MYO5B: variants seen among roughly 807,000 people sequenced by gnomAD.
MYO5B encodes unconventional myosin-Vb.
Under a neutral mutation model 229.3 loss-of-function variants are expected in MYO5B, and 143 were observed. That is an observed-to-expected ratio of 0.62 (90% CI 0.54 to 0.72). The LOEUF (loss-of-function observed/expected upper bound fraction) is 0.72, where lower values mean the gene tolerates loss of function less well. Ranked by LOEUF, MYO5B falls within the 30% of genes least tolerant of loss-of-function variation. The pLI, the probability that MYO5B is intolerant of heterozygous loss-of-function variation, is 0.00. For missense variants in MYO5B, 2,321 were observed against 2,331.0 expected (o/e 1.00, Z 0.09); for synonymous variants, 918 against 885.2 (o/e 1.04, Z -0.66).
rs2033222976 is a variant in MYO5B, at chr18:50,191,282, A to C, written c.27+3485T>G. 7.2e-5 allele frequency among the ~76,000 whole-genome samples: 11 copies of C among 152,292 alleles called. No homozygotes were observed. In the South Asian group the frequency reaches 2.3e-3, roughly 32 times the overall value. On this transcript the variant is annotated intron_variant, in intron 1 of 39. Coordinates refer to ENST00000285039, the MANE Select transcript of MYO5B (RefSeq NM_001080467.3). ...AAATCTCCTTAATTTCATAATCAAG[A>C]CCCTAAATGATTAAGAACTGGAAAC...
At position 50,191,895 on chromosome 18, in the gene MYO5B, T is replaced by C. The variant is rs77432850; in HGVS notation, c.27+2872A>G. Among the ~76,000 whole-genome samples, 1,053 of 152,250 alleles carry C rather than the reference T, an allele frequency of 6.9e-3. 6 individuals are homozygous for C. The highest frequency in any genetic ancestry group is 0.024 in the African/African-American group (984 of 41,542). ...CAGGGCAACATGAATTCTACTAAAA[T>C]TGAAGCAAGACCAAACATCAAATTT... is the stretch of plus-strand genomic sequence containing the variant. On this transcript the variant is annotated intron_variant, in intron 1 of 39. Transcript: ENST00000285039.
chr18:49,881,991 G>C (rs1176068026), intron 22 of MYO5B, among the ~76,000 whole-genome samples: 1 of 152,172 alleles, frequency 6.6e-6, no homozygotes, highest in Non-Finnish European at 1.5e-5. Context: ...AATTGCAATT[G>C]ATTCACCTTT....
chr18:50,042,154 C>T (rs2030036752), intron 2 of MYO5B, among the ~76,000 whole-genome samples: 1 of 152,144 alleles, frequency 6.6e-6, no homozygotes, highest in Non-Finnish European at 1.5e-5. Context: ...ATACCTAAAT[C>T]AGAATTTTTC....
At chr18:49,905,206 C>G (rs1334656702) in intron 19 of MYO5B, among the ~76,000 whole-genome samples, 1 of 152,200 alleles carries the variant, frequency 6.6e-6, no homozygotes, top group Non-Finnish European at 1.5e-5. Context: ...TCCTCTGTAC[C>G]TCCCCAGGCT....
rs567168043 is a variant in MYO5B, at chr18:49,973,460, C to T, written c.1322+890G>A. On this transcript the variant is annotated intron_variant, in intron 10 of 39. Transcript: ENST00000285039. ...GTGTCACTGTTCTTACGACGCTTCA[C>T]TTCTATGGATCTGAATTTCTATTTT... Among the ~76,000 whole-genome samples, 4 of 152,316 alleles carry T rather than the reference C, an allele frequency of 2.6e-5. No homozygotes were observed. In the South Asian group the frequency reaches 8.3e-4, roughly 32 times the overall value.
chr18:49,894,550 G>A (rs2024755038), intron 22 of MYO5B, among the ~76,000 whole-genome samples: 1 of 152,118 alleles, frequency 6.6e-6, no homozygotes, highest in African/African-American at 2.4e-5. Context: ...TGCATCATGG[G>A]CAAGGGTGCC....
chr18:49,954,014 ATGTATTTATATG>A (rs2025461460), intron 13 of MYO5B, among the ~76,000 whole-genome samples: 1 of 98,682 alleles, frequency 1.0e-5, no homozygotes, highest in Non-Finnish European at 2.0e-5. Flanking sequence ...ATATGTGTGT[ATGTATTTATATG>A]TGTGTGTGTG....
At chr18:49,883,116 T>A (rs2024606143) in intron 22 of MYO5B, among the ~76,000 whole-genome samples, 2 of 152,218 alleles carry the variant, frequency 1.3e-5, no homozygotes, top group Admixed American at 6.5e-5. Flanking sequence ...TCCCCTAAGA[T>A]CAGGAAGACA....
chr18:50,093,203 C>G (rs1207652634), intron 1 of MYO5B, among the ~76,000 whole-genome samples: 17 of 92,030 alleles, frequency 1.8e-4, no homozygotes, highest in African/African-American at 8.9e-4. Context: ...CACACACACA[C>G]ACAGACACAC....
chr18:49,963,418 T>TAA (rs57829520), intron 10 of MYO5B, among the ~76,000 whole-genome samples: 40,532 of 142,642 alleles, frequency 0.28, 5,922 homozygotes, highest in South Asian at 0.38. Context: ...ATTAATTAAT[T>TAA]TATTTATTTA....
chr18:50,099,332 G>C (rs1333318834), intron 1 of MYO5B, among the ~76,000 whole-genome samples: 1 of 152,238 alleles, frequency 6.6e-6, no homozygotes, highest in African/African-American at 2.4e-5. Flanking sequence ...ACAGGATCAT[G>C]GAGGCTTCTC....
intron 1 of MYO5B, among the ~76,000 whole-genome samples, chr18:50,132,164 C>G (rs1444439613): frequency 6.6e-6 from 1 of 152,184 alleles, no homozygotes. Flanking sequence ...AAGCATTATC[C>G]CCCAAACCCT....
At chr18:50,066,603 A>G (rs1568093138) in intron 1 of MYO5B, among the ~76,000 whole-genome samples, 3 of 152,180 alleles carry the variant, frequency 2.0e-5, no homozygotes, top group African/African-American at 4.8e-5. Context: ...CAATAATACC[A>G]TCTAAAATTC....
At chr18:50,100,039 G>A (rs1181016243) in intron 1 of MYO5B, among the ~76,000 whole-genome samples, 1 of 152,174 alleles carries the variant, frequency 6.6e-6, no homozygotes, top group East Asian at 1.9e-4. Context: ...TGCCTTCCAA[G>A]CTCAGATCCA....
intron 4 of MYO5B, among the ~76,000 whole-genome samples, chr18:50,023,256 A>G (rs962679168): frequency 1.3e-5 from 2 of 152,182 alleles, no homozygotes; most frequent in East Asian, 1.9e-4. Flanking sequence ...GCTCTAGAGA[A>G]TGGGAGCACC....
intron 7 of MYO5B, among the ~76,000 whole-genome samples, chr18:49,986,855 G>A (rs2025875678): frequency 6.6e-6 from 1 of 152,074 alleles, no homozygotes; most frequent in African/African-American, 2.4e-5. Flanking sequence ...GGGTGCCCAG[G>A]GTCACCCAGG....
intron 1 of MYO5B, among the ~76,000 whole-genome samples, chr18:50,176,764 T>C (rs1417276787): frequency 6.6e-6 from 1 of 152,256 alleles, no homozygotes; most frequent in Non-Finnish European, 1.5e-5. Context: ...AATCTTACTG[T>C]AGTACATAAA....
At chr18:49,829,191 G>C (rs1428157064) in intron 39 of MYO5B, among the ~76,000 whole-genome samples, 1 of 151,262 alleles carries the variant, frequency 6.6e-6, no homozygotes, top group Non-Finnish European at 1.5e-5. Context: ...TGATTCTCCT[G>C]CCTCAGCCCC....
chr18:50,026,715 C>T (rs2026335286), intron 4 of MYO5B, among the ~76,000 whole-genome samples: 1 of 152,244 alleles, frequency 6.6e-6, no homozygotes, highest in African/African-American at 2.4e-5. Context: ...GATGTGCCAT[C>T]AGTACTATCA....
Sources: allele counts gnomAD v4.1 joint callset (sites outside exome capture counted in the v4.1 genomes callset), GRCh38; gene constraint gnomAD v4.1.1; transcripts MANE v1.5; gene names NCBI Gene and HGNC (gene_info 2026-07-23, HGNC 2026-07-21).